The following COL14A1 variants were observed in gnomAD, a reference collection of about 807,000 sequenced individuals.
COL14A1 encodes the protein collagen type XIV alpha 1 chain.
COL14A1 carries 136 observed loss-of-function variants against 230.3 expected under a neutral mutation model. The observed-to-expected ratio is 0.59, with a 90% CI of 0.51 to 0.68. COL14A1 has a LOEUF of 0.68. COL14A1 is among the 30% of genes least tolerant of loss of function. The pLI is 0.00. For missense variants in COL14A1, 1,976 were observed against 2,215.8 expected (o/e 0.89, Z 2.17); for synonymous variants, 792 against 784.1 (o/e 1.01, Z -0.17).
At chr8:120,322,935 G>C (rs1403387963) in intron 40 of COL14A1, among the ~76,000 whole-genome samples, 1 of 152,204 alleles carries the variant, frequency 6.6e-6, no homozygotes, top group Non-Finnish European at 1.5e-5. Context: ...GGATTGTGAG[G>C]TTGAATGGTA....
At chr8:120,335,542 G>A (rs918891515) in intron 42 of COL14A1, among the ~76,000 whole-genome samples, 33 of 152,166 alleles carry the variant, frequency 2.2e-4, no homozygotes, top group African/African-American at 7.5e-4. Flanking sequence ...TGGCATGACT[G>A]TGACAGCAGG....
At chr8:120,175,100 A>G (rs960349822) in intron 5 of COL14A1, among the ~76,000 whole-genome samples, 1 of 152,236 alleles carries the variant, frequency 6.6e-6, no homozygotes. Context: ...TTACAATTTT[A>G]GTTTAAACGC....
At chr8:120,355,722 G>C (rs1178848853) in intron 45 of COL14A1, among the ~76,000 whole-genome samples, 12 of 152,022 alleles carry the variant, frequency 7.9e-5, no homozygotes, top group Admixed American at 7.9e-4. Context: ...CACCCAGCCT[G>C]ATTTCAGTCT....
rs200243997 is a variant in COL14A1 at position 120,289,713 on chromosome 8, G to T, written c.4183G>T (p.Glu1395Ter). 1 of 1,614,086 alleles carries T rather than the reference G, an allele frequency of 6.2e-7. No homozygotes were observed. The highest frequency in any genetic ancestry group is 1.7e-5 in the Admixed American group (1 of 60,004). The change falls in exon 34 of 48, where the codon GAA becomes TAA. Residue 1395 changes from glutamate (E) to a stop codon, truncating the protein, a stop_gained. Coordinates refer to ENST00000297848, the MANE Select transcript of COL14A1 (RefSeq NM_021110.4). LOFTEE classifies it high-confidence loss of function. The part of the protein sequence containing the change: ...ASANITSDGV[E>*]VLGKMVRSRG... ...AGCTAATATCACGTCAGATGGTGTA[G>T]AAGTGCTAGGGAAAATGGTTCGATC...
intron 24 of COL14A1, among the ~76,000 whole-genome samples, chr8:120,265,208 G>A (rs529025979): frequency 8.5e-5 from 13 of 152,154 alleles, no homozygotes; most frequent in East Asian, 1.9e-4. Context: ...CTGCCCAATC[G>A]TATTAATCTG....
At chr8:120,248,510 T>C (rs1411998760) in intron 21 of COL14A1, among the ~76,000 whole-genome samples, 6 of 152,136 alleles carry the variant, frequency 3.9e-5, no homozygotes, top group Non-Finnish European at 7.3e-5. Context: ...AGTACTCTAG[T>C]TGTTCAGCAG....
intron 1 of COL14A1, among the ~76,000 whole-genome samples, chr8:120,132,090 C>A (rs1292426900): frequency 6.6e-6 from 1 of 151,984 alleles, no homozygotes; most frequent in Non-Finnish European, 1.5e-5. Context: ...CCTCATGATC[C>A]ACCCGCTTTG....
Position 120,372,681 on chromosome 8 carries a change from T to C in COL14A1, c.*1450T>C, listed in dbSNP as rs1812196459. On this transcript the variant is annotated 3_prime_UTR_variant, in exon 48 of 48. Coordinates refer to ENST00000297848, the MANE Select transcript of COL14A1 (RefSeq NM_021110.4). ...GTGTCTGTCTGATCACCAGGTTCTCTTTCTGTCCTTCTCATAATCTCCTGA... is the reference window on the plus strand; with the variant it reads ...GTGTCTGTCTGATCACCAGGTTCTCCTTCTGTCCTTCTCATAATCTCCTGA... Among the ~76,000 whole-genome samples the C allele has an allele frequency of 6.6e-6, 1 of 152,072 alleles. No individual in the cohort carries two copies. Among genetic ancestry groups the C allele is most frequent in the Non-Finnish European group, 1.5e-5 (1 of 68,004 alleles).
At chr8:120,185,329 A>G (rs945866399) in intron 5 of COL14A1, among the ~76,000 whole-genome samples, 1 of 152,176 alleles carries the variant, frequency 6.6e-6, no homozygotes, top group Non-Finnish European at 1.5e-5. Flanking sequence ...ATATGTTGGA[A>G]AATACATATT....
At chr8:120,227,727 A>T (rs1818143914) in intron 17 of COL14A1, among the ~76,000 whole-genome samples, 1 of 152,146 alleles carries the variant, frequency 6.6e-6, no homozygotes, top group South Asian at 2.1e-4. Flanking sequence ...AAACAAATAA[A>T]CCTAGGGCCA....
intron 13 of COL14A1, among the ~76,000 whole-genome samples, chr8:120,212,785 T>C (rs1261592824): frequency 3.3e-5 from 5 of 152,206 alleles, no homozygotes; most frequent in Non-Finnish European, 5.9e-5. Context: ...AGCTTCAGCA[T>C]CCTCCAGATA....
chr8:120,253,946 A>T (rs1819058223), intron 22 of COL14A1, among the ~76,000 whole-genome samples: 1 of 152,212 alleles, frequency 6.6e-6, no homozygotes, highest in African/African-American at 2.4e-5. Context: ...CAAAAAAGTT[A>T]TATAAATCAA....
chr8:120,215,623 G>T (rs1817728098), intron 13 of COL14A1, among the ~76,000 whole-genome samples: 1 of 152,066 alleles, frequency 6.6e-6, no homozygotes, highest in Non-Finnish European at 1.5e-5. Flanking sequence ...TGGGAGATTG[G>T]CTGGGAGACC....
chr8:120,255,456 C>G, intron 23 of COL14A1, 100 bp downstream of exon 23: 1 of 930,196 alleles, frequency 1.1e-6, no homozygotes, highest in South Asian at 1.4e-5. Flanking sequence ...GACAACAGCC[C>G]TCTTGTCAAG....
intron 40 of COL14A1, among the ~76,000 whole-genome samples, chr8:120,322,729 G>GC (rs1554623608): frequency 5.3e-5 from 8 of 149,634 alleles, no homozygotes; most frequent in Non-Finnish European, 1.2e-4. Flanking sequence ...ACATGTTCTT[G>GC]TTTTTTTTTT....
intron 1 of COL14A1, among the ~76,000 whole-genome samples, chr8:120,125,663 T>C (rs564816191): frequency 6.6e-6 from 1 of 152,176 alleles, no homozygotes; most frequent in Admixed American, 6.5e-5. Context: ...GAAGCTGCGT[T>C]TGGCTGCGGG....
chr8:120,290,807 A>G (rs1027171799), intron 34 of COL14A1, among the ~76,000 whole-genome samples: 26 of 152,222 alleles, frequency 1.7e-4, no homozygotes, highest in African/African-American at 6.3e-4. Context: ...TGCAGCATTT[A>G]TTTTTGTGGT....
intron 40 of COL14A1, among the ~76,000 whole-genome samples, chr8:120,321,205 T>A (rs971259201): frequency 6.6e-6 from 1 of 152,210 alleles, no homozygotes; most frequent in Non-Finnish European, 1.5e-5. Context: ...ACTTTCTTGA[T>A]GAAGTAGATA....
At chr8:120,243,778 C>A in intron 19 of COL14A1, 101 bp from the exon 20 acceptor site, 1 of 1,383,928 alleles carries the variant, frequency 7.2e-7, no homozygotes. Flanking sequence ...AAGCACATCT[C>A]TTTTCTTTTG....
Sources: allele counts gnomAD v4.1 joint callset (sites outside exome capture counted in the v4.1 genomes callset), GRCh38; gene constraint gnomAD v4.1.1; transcripts MANE v1.5; gene names NCBI Gene and HGNC (gene_info 2026-07-23, HGNC 2026-07-21).